ACAT1: variants seen among roughly 807,000 people sequenced by gnomAD.
ACAT1 encodes acetyl-CoA acetyltransferase, mitochondrial.
Under a neutral mutation model 47.3 loss-of-function variants are expected in ACAT1, and 28 were observed. That is an observed-to-expected ratio of 0.59 (90% CI 0.44 to 0.81). ACAT1 has a LOEUF of 0.81. ACAT1 is among the 30% of genes least tolerant of loss of function. ACAT1 has a pLI of 0.00. For synonymous variants in ACAT1, 181 were observed against 173.6 expected, an observed-to-expected ratio of 1.04 and a Z score of -0.34; for missense variants, 469 against 524.3, an observed-to-expected ratio of 0.89 and a Z score of 1.03.
At chr11:108,147,169 T>A (rs1359765973) in intron 11 of ACAT1, 101 bp from the exon 12 acceptor site, 17 of 1,386,934 alleles carry the variant, frequency 1.2e-5, no homozygotes. Flanking sequence ...CAAGTAGTAG[T>A]GGCTAGTAAG....
At chr11:108,139,584 C>T (rs914597498) in intron 6 of ACAT1, among the ~76,000 whole-genome samples, 1 of 151,560 alleles carries the variant, frequency 6.6e-6, no homozygotes, top group Non-Finnish European at 1.5e-5. Context: ...AAGAGTCAAA[C>T]TCCGTCTCAA....
At chr11:108,132,908 G>C (rs1176033608) in intron 2 of ACAT1, among the ~76,000 whole-genome samples, 1 of 150,594 alleles carries the variant, frequency 6.6e-6, no homozygotes, top group Non-Finnish European at 1.5e-5. Flanking sequence ...GCTCTGGCTG[G>C]GCACAGTGGT....
chr11:108,139,330 C>A (rs917397356), intron 6 of ACAT1, among the ~76,000 whole-genome samples: 1 of 152,046 alleles, frequency 6.6e-6, no homozygotes, highest in Admixed American at 6.6e-5. Flanking sequence ...GTGGCTCTGG[C>A]CTGTAATCCC....
At chr11:108,146,040 G>A (rs2077700550) in intron 10 of ACAT1, 162 bp from the exon 11 acceptor site, 1 of 626,346 alleles carries the variant, frequency 1.6e-6, no homozygotes. Context: ...GAGCAAGACT[G>A]TTGGAAAAAA....
intron 5 of ACAT1, among the ~76,000 whole-genome samples, chr11:108,135,496 C>T (rs951053260): frequency 4.0e-5 from 6 of 151,304 alleles, no homozygotes; most frequent in East Asian, 3.9e-4. Flanking sequence ...TTGAGACCAG[C>T]GTAGGCAACA....
chr11:108,132,577 G>C (rs565669629), intron 2 of ACAT1, among the ~76,000 whole-genome samples: 3 of 152,010 alleles, frequency 2.0e-5, no homozygotes, highest in Admixed American at 6.6e-5. Context: ...GCTCTGGGCC[G>C]GGTGCGGTGG....
At chr11:108,125,453 A>G (rs2077230862) in intron 1 of ACAT1, among the ~76,000 whole-genome samples, 1 of 152,244 alleles carries the variant, frequency 6.6e-6, no homozygotes, top group Admixed American at 6.5e-5. Flanking sequence ...TCCCGCCATC[A>G]GGAAGCCTGT....
intron 10 of ACAT1, 152 bp downstream of exon 10, chr11:108,144,199 G>C (rs1324933719): frequency 1.3e-6 from 1 of 752,236 alleles, no homozygotes; most frequent in Non-Finnish European, 2.2e-6. Flanking sequence ...AAAAGAGTAA[G>C]AGCAACAAGG....
At chr11:108,136,001 TA>T in intron 5 of ACAT1, 1 of 538,552 alleles carries the variant, frequency 1.9e-6, no homozygotes. Flanking sequence ...GACTAATTTG[TA>T]GTCATTAAGT....
At chr11:108,141,565 C>A (rs761192857) in intron 7 of ACAT1, 40 bp from the exon 8 acceptor site, 1 of 1,514,722 alleles carries the variant, frequency 6.6e-7, no homozygotes, top group South Asian at 1.1e-5. Flanking sequence ...TGAATGACTA[C>A]TTGTTTTGAG....
chr11:108,139,067 T>C lies in ACAT1; in HGVS notation c.579+26T>C, dbSNP rs1425074624. 5.0e-6 allele frequency: 8 copies of C among 1,612,988 alleles called. No homozygotes were observed. The Admixed American group carries it at 1.2e-4, about 24-fold the overall frequency. On this transcript the variant is annotated intron_variant, in intron 6 of 11. Transcript: ENST00000265838. ...GTAAATGTGATTTTTAGTGGATAAATGCTATCTAATGTCCAATACTGTTTG... is the reference window on the plus strand; with the variant it reads ...GTAAATGTGATTTTTAGTGGATAAACGCTATCTAATGTCCAATACTGTTTG...
chr11:108,138,874 G>T, intron 5 of ACAT1, 24 bp from the exon 6 acceptor site: 1 of 1,614,096 alleles, frequency 6.2e-7, no homozygotes, highest in Non-Finnish European at 8.5e-7. Context: ...ATTAACATTG[G>T]GTTTTTCTGG....
At chr11:108,146,172 GAAC>G (rs747278765) in intron 10 of ACAT1, 27 bp from the exon 11 acceptor site, 3 of 1,545,506 alleles carry the variant, frequency 1.9e-6, no homozygotes, top group Non-Finnish European at 2.7e-6. Context: ...CTAATTATTT[GAAC>G]ATCATCTGTC....
intron 5 of ACAT1, 110 bp from the exon 6 acceptor site, chr11:108,138,788 T>C: frequency 1.6e-6 from 2 of 1,231,108 alleles, no homozygotes; most frequent in Non-Finnish European, 2.4e-6. Flanking sequence ...GTGTAACAAA[T>C]GTTTAATAAA....
chr11:108,123,221 G>C (rs547911635), intron 1 of ACAT1, among the ~76,000 whole-genome samples: 1 of 152,192 alleles, frequency 6.6e-6, no homozygotes, highest in South Asian at 2.1e-4. Context: ...CTGGGCAACA[G>C]AGTGAGACTC....
intron 5 of ACAT1, 131 bp downstream of exon 5, chr11:108,135,373 CA>C: frequency 1.4e-6 from 1 of 727,218 alleles, no homozygotes; most frequent in South Asian, 1.6e-5. Flanking sequence ...CTCACATGCT[CA>C]AGAGTGTCTG....
chr11:108,141,366 C>A, intron 7 of ACAT1, among the ~76,000 whole-genome samples: 1 of 58,686 alleles, frequency 1.7e-5, no homozygotes. Flanking sequence ...GGAAACCCTG[C>A]CTCAAAAAAA....
At chr11:108,126,120 A>G (rs1374021719) in intron 1 of ACAT1, among the ~76,000 whole-genome samples, 4 of 152,046 alleles carry the variant, frequency 2.6e-5, no homozygotes, top group Admixed American at 6.6e-5. Flanking sequence ...CTCCCACCTC[A>G]ACCTCCCAAG....
At chr11:108,132,972 G>A (rs2077393515) in intron 2 of ACAT1, among the ~76,000 whole-genome samples, 1 of 151,744 alleles carries the variant, frequency 6.6e-6, no homozygotes, top group South Asian at 2.1e-4. Context: ...ATCACCTGAG[G>A]TTAGGAGTTC....
Sources: gnomAD v4.1 joint callset for allele counts (sites outside exome capture counted in the v4.1 genomes callset) on GRCh38, gnomAD v4.1.1 for gene constraint, MANE v1.5 for transcripts, NCBI Gene and HGNC (gene_info 2026-07-23, HGNC 2026-07-21) for gene names.